FOXK1: variants seen among roughly 807,000 people sequenced by gnomAD.
FOXK1 encodes forkhead box K1.
FOXK1 carries 19 observed loss-of-function variants against 51.9 expected under a neutral mutation model. The ratio of observed to expected loss-of-function variants is 0.37; its 90% CI spans 0.26 to 0.54. FOXK1 has a LOEUF of 0.54. Ranked by LOEUF, FOXK1 falls within the 20% of genes least tolerant of loss-of-function variation. The probability of loss-of-function intolerance (pLI) is 0.87; values close to 1 mark genes in which losing one functional copy is unlikely to be tolerated. For missense variants in FOXK1, 870 were observed against 1,032.7 expected (o/e 0.84, Z 2.16); for synonymous variants, 537 against 482.6 (o/e 1.11, Z -1.48).
intron 5 of FOXK1, among the ~76,000 whole-genome samples, chr7:4,757,553 C>G (rs1200641917): frequency 7.2e-6 from 1 of 139,548 alleles, no homozygotes; most frequent in Non-Finnish European, 1.5e-5. Context: ...TCGCTTGAAT[C>G]TCGGAGGCAG....
intron 1 of FOXK1, among the ~76,000 whole-genome samples, chr7:4,708,735 T>C (rs1320731716): frequency 6.6e-6 from 1 of 152,012 alleles, no homozygotes; most frequent in East Asian, 1.9e-4. Flanking sequence ...AGAGCCTGGT[T>C]GGATATTGGT....
At chr7:4,751,596 A>G (rs188175253) in intron 2 of FOXK1, among the ~76,000 whole-genome samples, 18 of 152,264 alleles carry the variant, frequency 1.2e-4, no homozygotes, top group Non-Finnish European at 2.1e-4. Flanking sequence ...GGGCCTTGGT[A>G]TCAGGAGCCT....
In FOXK1 at chr7:4,762,287, C is replaced by T. The variant is rs747112105; in HGVS notation, c.2025C>T (p.Ala675=). 13 of 1,550,542 alleles carry T rather than the reference C, an allele frequency of 8.4e-6. No individual in the cohort carries two copies. The highest frequency in any genetic ancestry group is 8.3e-5 in the South Asian group (7 of 84,038). Reference sequence around the variant, plus strand: ...TGGGGCCCAAGGAGCCAGCAGCAGCCGTCGCGGCCACGGCCACCACCACCC... The same window carrying T: ...TGGGGCCCAAGGAGCCAGCAGCAGCTGTCGCGGCCACGGCCACCACCACCC... ...CEVGPKEPAA[A]VAATATTTPA... is the part of the protein sequence containing the mutation. Residue 675 remains alanine, a synonymous_variant, in exon 9 of 9, where the codon GCC becomes GCT. Transcript: ENST00000328914. The surrounding 1 kb of genome is among the most constrained non-coding windows in gnomAD (Gnocchi z 5.7).
intron 1 of FOXK1, among the ~76,000 whole-genome samples, chr7:4,727,620 T>C (rs1780397385): frequency 1.3e-5 from 2 of 152,216 alleles, no homozygotes; most frequent in Admixed American, 1.3e-4. Context: ...GGCCTGATTT[T>C]GCAGGTTGTT....
rs941714961 is a variant in FOXK1, at chr7:4,745,240, G to A, written c.746+4217G>A. Among the ~76,000 whole-genome samples the A allele has an allele frequency of 1.3e-5, 2 of 152,156 alleles. No individual in the cohort carries two copies. Among genetic ancestry groups the A allele is most frequent in the Non-Finnish European group, 2.9e-5 (2 of 68,028 alleles). On this transcript the variant is annotated intron_variant, in intron 2 of 8. Transcript: ENST00000328914. The surrounding 1 kb of genome is among the most constrained non-coding windows in gnomAD (Gnocchi z 4.3). ...TCCTAATTTGGTGTGCATTCGCCTC[G>A]CCAGTCCTCATTGGCCGTGGAGTGG...
At chr7:4,716,082 G>T (rs1029648845) in intron 1 of FOXK1, among the ~76,000 whole-genome samples, 8 of 152,102 alleles carry the variant, frequency 5.3e-5, no homozygotes, top group African/African-American at 1.4e-4. Context: ...TTAGACAGGC[G>T]TGGTGGTGGG....
chr7:4,737,552 C>CTGTG (rs146678822), intron 1 of FOXK1, among the ~76,000 whole-genome samples: 72,791 of 148,786 alleles, frequency 0.49, 17,699 homozygotes, highest in East Asian at 0.76. Flanking sequence ...GTGTGCGTGC[C>CTGTG]TGTGTGTGTG....
chr7:4,712,227 G>A (rs1780184389), intron 1 of FOXK1, among the ~76,000 whole-genome samples: 1 of 152,124 alleles, frequency 6.6e-6, no homozygotes, highest in Admixed American at 6.5e-5. Flanking sequence ...ACTTCACCAA[G>A]AGCATCTCCC....
At position 4,731,858 on chromosome 7, in the gene FOXK1, A is replaced by G. The variant is rs1271734272; in HGVS notation, c.561-8980A>G. Among the ~76,000 whole-genome samples the G allele has an allele frequency of 6.6e-6, 1 of 152,186 alleles. No homozygotes were observed. Among genetic ancestry groups the G allele is most frequent in the Non-Finnish European group, 1.5e-5 (1 of 68,032 alleles). Reference sequence around the variant, plus strand: ...TCCTTCCAGTCCTTGTCTAATAACAAGAATAACTGAAGCACATTTTCAGTA... The same window carrying G: ...TCCTTCCAGTCCTTGTCTAATAACAGGAATAACTGAAGCACATTTTCAGTA... On this transcript the variant is annotated intron_variant, in intron 1 of 8. Transcript: ENST00000328914. The surrounding 1 kb of genome is among the most constrained non-coding windows in gnomAD (Gnocchi z 5.3).
rs1013329484 is a variant in FOXK1 at position 4,758,486 on chromosome 7, C to A, written c.1245-565C>A. On this transcript the variant is annotated intron_variant, in intron 5 of 8. Transcript: ENST00000328914. The surrounding 1 kb of genome is among the most constrained non-coding windows in gnomAD (Gnocchi z 4.4). Reference sequence around the variant, plus strand: ...CTCTCGTGCTTCCCATTTCAAAATTCTGTTTCCAACACGATTTGATGAAAG... The same window carrying A: ...CTCTCGTGCTTCCCATTTCAAAATTATGTTTCCAACACGATTTGATGAAAG... 6 of 152,492 alleles carry A rather than the reference C, an allele frequency of 3.9e-5. No individual in the cohort carries two copies. Among genetic ancestry groups the A allele is most frequent in the Admixed American group, 1.3e-4 (2 of 15,308 alleles). The allele number at this position is 152,492 out of a possible 1,614,324, so 9.4% of individuals were successfully genotyped here. A position where few individuals can be genotyped will look rare whatever the true frequency, so the allele number is the denominator to read the frequency against.
At chr7:4,712,755 G>A (rs1339643843) in intron 1 of FOXK1, among the ~76,000 whole-genome samples, 1 of 152,138 alleles carries the variant, frequency 6.6e-6, no homozygotes, top group Non-Finnish European at 1.5e-5. Context: ...TTCTGTTTAT[G>A]CTGCAGAGTG....
chr7:4,739,923 T>G (rs1780609419), intron 1 of FOXK1, among the ~76,000 whole-genome samples: 1 of 152,238 alleles, frequency 6.6e-6, no homozygotes, highest in South Asian at 2.1e-4. Flanking sequence ...CGTGTCTGTC[T>G]GGAGCCTGCG....
rs1270132979 is a variant in FOXK1, at chr7:4,682,395, C to T, written c.87C>T (p.Ala29=). ...GCAGCCCAGTGCTGTGCGCCGCAGC[C>T]GCCGCCGCCGCCTTCCCCGCGGCCG... The part of the protein sequence containing the change: ...APCSPVLCAA[A]AAAAFPAAAP... The change falls in exon 1 of 9, where the codon GCC becomes GCT. Residue 29 remains alanine (A), a synonymous_variant. Coordinates refer to ENST00000328914, the MANE Select transcript of FOXK1 (RefSeq NM_001037165.2). The surrounding 1 kb of genome is among the most constrained non-coding windows in gnomAD (Gnocchi z 7.6). 2.0e-6 allele frequency: 2 copies of T among 977,898 alleles called. No individual in the cohort carries two copies. The highest frequency in any genetic ancestry group is 2.4e-6 in the Non-Finnish European group (2 of 825,630). The allele number at this position is 977,898 out of a possible 1,614,324, so 60.6% of individuals were successfully genotyped here.
rs1266265655 is a variant in FOXK1, at chr7:4,734,561, C to T, written c.561-6277C>T. On this transcript the variant is annotated intron_variant, in intron 1 of 8. Coordinates refer to ENST00000328914, the MANE Select transcript of FOXK1 (RefSeq NM_001037165.2). The surrounding 1 kb of genome is among the most constrained non-coding windows in gnomAD (Gnocchi z 5.2). Reference sequence around the variant, plus strand: ...TTGTGGAAGGGGAGGTGCCCCCCGGCCCACCCCCCCGCTGCCCAAGTGTGC... The same window carrying T: ...TTGTGGAAGGGGAGGTGCCCCCCGGTCCACCCCCCCGCTGCCCAAGTGTGC... Among the ~76,000 whole-genome samples the T allele has an allele frequency of 6.6e-6, 1 of 152,224 alleles. No individual in the cohort carries two copies. Among genetic ancestry groups the T allele is most frequent in the Admixed American group, 6.5e-5 (1 of 15,288 alleles).
In FOXK1 at chr7:4,729,801, C is replaced by G. The variant is rs909101074; in HGVS notation, c.561-11037C>G. Among the ~76,000 whole-genome samples the G allele has an allele frequency of 6.6e-6, 1 of 152,140 alleles. No individual in the cohort carries two copies. Among genetic ancestry groups the G allele is most frequent in the African/African-American group, 2.4e-5 (1 of 41,428 alleles). On this transcript the variant is annotated intron_variant, in intron 1 of 8. Transcript: ENST00000328914. This position sits in a 1 kb window ranked among gnomAD's most constrained non-coding sequence, Gnocchi z 6.2. ...GCTCAGGAGTTTGAGACCAGCCTGGCCAACATGGTGAAACCCCATCTCTAC... is the reference window on the plus strand; with the variant it reads ...GCTCAGGAGTTTGAGACCAGCCTGGGCAACATGGTGAAACCCCATCTCTAC...
intron 1 of FOXK1, among the ~76,000 whole-genome samples, chr7:4,712,037 A>G (rs1481550229): frequency 6.6e-6 from 1 of 150,674 alleles, no homozygotes; most frequent in Non-Finnish European, 1.5e-5. Context: ...TTTGATATTC[A>G]GAGGTGGATC....
chr7:4,708,708 A>C (rs1282303328), intron 1 of FOXK1, among the ~76,000 whole-genome samples: 1 of 152,178 alleles, frequency 6.6e-6, no homozygotes, highest in Non-Finnish European at 1.5e-5. Flanking sequence ...GGTGAACTTC[A>C]TTCCTGCCAG....
chr7:4,698,631 C>T lies in FOXK1; in HGVS notation c.560+15763C>T, dbSNP rs550411870. Among the ~76,000 whole-genome samples the T allele has an allele frequency of 4.1e-4, 62 of 152,216 alleles. 1 individual carries two copies. In the South Asian group the frequency reaches 6.0e-3, roughly 15 times the overall value. On this transcript the variant is annotated intron_variant, in intron 1 of 8. Coordinates refer to ENST00000328914, the MANE Select transcript of FOXK1 (RefSeq NM_001037165.2). Reference sequence around the variant, plus strand: ...ACAGTGGCACAGTCATAGCTCACTGCAGCCTCGACCTCCCAGGCTCAAGTG... The same window carrying T: ...ACAGTGGCACAGTCATAGCTCACTGTAGCCTCGACCTCCCAGGCTCAAGTG...
chr7:4,710,644 G>A (rs1252576292), intron 1 of FOXK1, among the ~76,000 whole-genome samples: 3 of 152,228 alleles, frequency 2.0e-5, no homozygotes, highest in East Asian at 1.9e-4. Context: ...GGGTGCAGCC[G>A]GGTGTATGGC....
Sources: gnomAD v4.1 joint callset for allele counts (sites outside exome capture counted in the v4.1 genomes callset) on GRCh38, gnomAD v4.1.1 for gene constraint, Gnocchi (gnomAD v3.1) non-coding constraint, MANE v1.5 for transcripts, NCBI Gene and HGNC (gene_info 2026-07-23, HGNC 2026-07-21) for gene names.